CROCC2: variants seen among roughly 807,000 people sequenced by gnomAD.
CROCC2 encodes ciliary rootlet coiled-coil protein 2.
CROCC2 carries 163 observed loss-of-function variants against 177.6 expected under a neutral mutation model. The ratio of observed to expected loss-of-function variants is 0.92; its 90% CI spans 0.81 to 1.05. The LOEUF (loss-of-function observed/expected upper bound fraction) is 1.05. CROCC2 is among the 50% of genes least tolerant of loss of function. The pLI, the probability that CROCC2 is intolerant of heterozygous loss-of-function variation, is 0.00. For synonymous variants in CROCC2, 904 were observed against 787.3 expected (o/e 1.15, Z -2.48); for missense variants, 1,929 against 1,797.8 (o/e 1.07, Z -1.32).
chr2:240,935,833 G>A lies in CROCC2; in HGVS notation c.2169+245G>A, dbSNP rs564515198. ...ATCCCGCCACTTGGCAGGGGAGCCCGGGCCTCAGGCCAGTGACTTCTGCAC... is the reference window on the plus strand; with the variant it reads ...ATCCCGCCACTTGGCAGGGGAGCCCAGGCCTCAGGCCAGTGACTTCTGCAC... On this transcript the variant is annotated intron_variant, in intron 14 of 31. Coordinates refer to ENST00000690015, the MANE Select transcript of CROCC2 (RefSeq NM_001351305.2). Among the ~76,000 whole-genome samples the A allele has an allele frequency of 1.8e-4, 28 of 152,346 alleles. 1 individual carries two copies. In the East Asian group the frequency reaches 3.9e-3, roughly 21 times the overall value.
chr2:240,916,558 C>G (rs549541317), intron 1 of CROCC2, among the ~76,000 whole-genome samples: 1 of 150,612 alleles, frequency 6.6e-6, no homozygotes, highest in Non-Finnish European at 1.5e-5. Flanking sequence ...GCTCCCCGCG[C>G]CCCCCTCCGG....
chr2:240,955,891 T>C lies in CROCC2; in HGVS notation c.2862T>C (p.Leu954=), dbSNP rs1419641264. ...CCCTGAAAGAAACAGAGCGGAGCCT[T>C]CTGAGTGAGGAGCTCTCCAGGGCCA... ...ALSLKETERS[L]LSEELSRARR... is the part of the protein sequence containing the mutation. Residue 954 remains leucine, a synonymous_variant, in exon 19 of 32, where the codon CTT becomes CTC. Transcript: ENST00000690015. 1 of 1,534,904 alleles carries C rather than the reference T, an allele frequency of 6.5e-7. No homozygotes were observed. Among genetic ancestry groups the C allele is most frequent in the South Asian group, 1.2e-5 (1 of 83,986 alleles).
At chr2:240,967,286 A>G in intron 25 of CROCC2, 59 bp from the exon 26 acceptor site, 1 of 611,584 alleles carries the variant, frequency 1.6e-6, no homozygotes, top group South Asian at 1.9e-5. Context: ...TCTAGCAGAC[A>G]CCTTGGCCCT....
At chr2:240,935,846 G>C (rs1010848812) in intron 14 of CROCC2, among the ~76,000 whole-genome samples, 1 of 152,246 alleles carries the variant, frequency 6.6e-6, no homozygotes, top group African/African-American at 2.4e-5. Context: ...CCTCAGGCCA[G>C]TGACTTCTGC....
intron 20 of CROCC2, chr2:240,959,682 G>C (rs2059618306): frequency 2.2e-6 from 1 of 453,320 alleles, no homozygotes; most frequent in Non-Finnish European, 3.8e-6. Flanking sequence ...ATGGTGCCTG[G>C]CCCAGGCCAT....
At chr2:240,984,477 ACACCCCCTCCCCAT>A (rs2059822159) in intron 28 of CROCC2, among the ~76,000 whole-genome samples, 1 of 151,658 alleles carries the variant, frequency 6.6e-6, no homozygotes, top group Non-Finnish European at 1.5e-5. Flanking sequence ...GCTATGTACA[ACACCCCCTCCCCAT>A]CACCTGAGAG....
At position 240,973,373 on chromosome 2, in the gene CROCC2, G is replaced by A. The variant is rs138718683; in HGVS notation, c.4401+5111G>A. Among the ~76,000 whole-genome samples, 531 of 152,168 alleles carry A rather than the reference G, an allele frequency of 3.5e-3. 1 individual carries two copies. The highest frequency in any genetic ancestry group is 0.024 in the Middle Eastern group (7 of 294). On this transcript the variant is annotated intron_variant, in intron 27 of 31. Coordinates refer to ENST00000690015, the MANE Select transcript of CROCC2 (RefSeq NM_001351305.2). This position sits in a 1 kb window ranked among gnomAD's most constrained non-coding sequence, Gnocchi z 4.7. ...TAGCTGGCCAGGTCTCTGAGCAGGC[G>A]GGAGGCCTGGCACTCACTCAGCATC...
At chr2:240,985,973 ATCC>A (rs1362437613) in intron 28 of CROCC2, 4 of 456,376 alleles carry the variant, frequency 8.8e-6, no homozygotes, top group Non-Finnish European at 1.8e-5. Context: ...CTTTCTGTTC[ATCC>A]TCCTCTCCTT....
chr2:240,943,811 C>T (rs1479523246), intron 14 of CROCC2, among the ~76,000 whole-genome samples: 1 of 152,162 alleles, frequency 6.6e-6, no homozygotes, highest in African/African-American at 2.4e-5. Flanking sequence ...TGAGGCTCTA[C>T]ACCCCCTGTC....
At chr2:240,991,386 C>A (rs1387306685) in intron 31 of CROCC2, 108 bp downstream of exon 31, 13 of 964,602 alleles carry the variant, frequency 1.3e-5, no homozygotes, top group East Asian at 2.8e-5. Flanking sequence ...GCTGGGGGAA[C>A]CACTGTTGGG....
Position 240,922,547 on chromosome 2 carries a change from C to T in CROCC2, c.390C>T (p.Ala130=). The T allele has an allele frequency of 1.4e-6, 1 of 694,748 alleles. No homozygotes were observed. Among genetic ancestry groups the T allele is most frequent in the Non-Finnish European group, 2.7e-6 (1 of 371,240 alleles). 43.0% of individuals were successfully genotyped at this position (694,748 alleles called of 1,614,324 possible). The part of the protein sequence containing the change: ...RCRVVSEQLQ[A]RLETTEAQLR... ...CTATTGCTCCTCCCCAGCTGCAGGC[C>T]CGGCTGGAGACCACCGAGGCTCAGC... Residue 130 remains alanine (A), a synonymous_variant, in exon 4 of 32, where the codon GCC becomes GCT. Coordinates refer to ENST00000690015, the MANE Select transcript of CROCC2 (RefSeq NM_001351305.2).
rs964513593 is a variant in CROCC2 at position 240,912,863 on chromosome 2, C to T, written c.79-5863C>T. Among the ~76,000 whole-genome samples, 30 of 152,308 alleles carry T rather than the reference C, an allele frequency of 2.0e-4. 1 individual carries two copies. Among genetic ancestry groups the T allele is most frequent in the African/African-American group, 5.8e-4 (24 of 41,570 alleles). ...TCGTCTCATAGGCCAACAGAAGACA[C>T]GCTTATCACTCAGGAGATCCCAAGG... is the stretch of plus-strand genomic sequence containing the variant. On this transcript the variant is annotated intron_variant, in intron 1 of 31. Transcript: ENST00000690015.
intron 1 of CROCC2, among the ~76,000 whole-genome samples, chr2:240,906,920 G>T (rs1270210070): frequency 1.3e-5 from 2 of 148,880 alleles, no homozygotes; most frequent in African/African-American, 4.9e-5. Flanking sequence ...GCCGCTGCTG[G>T]CTGTGGATGC....
At chr2:240,988,612 G>GA in intron 28 of CROCC2, 127 bp from the exon 29 acceptor site, 1 of 1,028,872 alleles carries the variant, frequency 9.7e-7, no homozygotes, top group Non-Finnish European at 1.3e-6. Context: ...TGCCCTTCCT[G>GA]ACGCTGCCAG....
intron 27 of CROCC2, among the ~76,000 whole-genome samples, chr2:240,980,243 C>T (rs1344000286): frequency 3.3e-4 from 18 of 54,856 alleles, no homozygotes; most frequent in African/African-American, 1.4e-3. Context: ...CATCCCTGCT[C>T]AGTCTCTGGG....
In CROCC2 at chr2:240,932,980, TAGTTATGGGGCCTGCCCCTG is replaced by T. The variant is rs146363623; in HGVS notation, c.1251+75_1251+94del. On this transcript the variant is annotated intron_variant, in intron 9 of 31. Transcript: ENST00000690015. ...AACATGAGCCCCTCAGGCTGAAGGG[TAGTTATGGGGCCTGCCCCTG>T]AGCCCCATGGCTCCAGGGAGGGGCC... 19,886 of 1,516,062 alleles carry T rather than the reference TAGTTATGGGGCCTGCCCCTG, an allele frequency of 0.013. 1,229 individuals are homozygous for T. The East Asian group carries it at 0.19, about 14-fold the overall frequency. The allele number at this position is 1,516,062 out of a possible 1,614,324, so 93.9% of individuals were successfully genotyped here. A position where few individuals can be genotyped will look rare whatever the true frequency, so the allele number is the denominator to read the frequency against.
chr2:240,922,457 C>G, intron 3 of CROCC2, 82 bp from the exon 4 acceptor site: 1 of 617,308 alleles, frequency 1.6e-6, no homozygotes, highest in Non-Finnish European at 3.0e-6. Context: ...CCACTAAGGT[C>G]GGCTTTGTGC....
chr2:240,982,739 C>A lies in CROCC2; in HGVS notation c.4402-141C>A, dbSNP rs2059809448. Reference sequence around the variant, plus strand: ...CCTGATCAACGCACTTCAGGTTGTCCTTAACCACGTTCTTGCTGTTTTCAT... The same window carrying A: ...CCTGATCAACGCACTTCAGGTTGTCATTAACCACGTTCTTGCTGTTTTCAT... On this transcript the variant is annotated intron_variant, in intron 27 of 31. Transcript: ENST00000690015. The surrounding 1 kb of genome is among the most constrained non-coding windows in gnomAD (Gnocchi z 4.7). 1 of 698,850 alleles carries A rather than the reference C, an allele frequency of 1.4e-6. No homozygotes were observed. The highest frequency in any genetic ancestry group is 1.8e-5 in the African/African-American group (1 of 55,628). The allele number at this position is 698,850 out of a possible 1,614,324, so 43.3% of individuals were successfully genotyped here.
Position 240,917,341 on chromosome 2 carries a change from G to A in CROCC2, c.79-1385G>A, listed in dbSNP as rs1267852291. 6.6e-6 allele frequency among the ~76,000 whole-genome samples: 1 copy of A among 152,164 alleles called. No homozygotes were observed. Among genetic ancestry groups the A allele is most frequent in the African/African-American group, 2.4e-5 (1 of 41,450 alleles). Reference sequence around the variant, plus strand: ...GGGGTGCAGATGGAGGAGGAGGCCTGTGTCCAGGGAGCATCCGGGATAGCC... The same window carrying A: ...GGGGTGCAGATGGAGGAGGAGGCCTATGTCCAGGGAGCATCCGGGATAGCC... On this transcript the variant is annotated intron_variant, in intron 1 of 31. Transcript: ENST00000690015. This position sits in a 1 kb window ranked among gnomAD's most constrained non-coding sequence, Gnocchi z 4.9.
Sources: gnomAD v4.1 joint callset for allele counts (sites outside exome capture counted in the v4.1 genomes callset) on GRCh38, gnomAD v4.1.1 for gene constraint, Gnocchi (gnomAD v3.1) non-coding constraint, MANE v1.5 for transcripts, NCBI Gene and HGNC (gene_info 2026-07-23, HGNC 2026-07-21) for gene names.